TET2: variants seen among roughly 807,000 people sequenced by gnomAD.
TET2 encodes tet methylcytosine dioxygenase 2.
In TET2, 299 loss-of-function variants were observed where a neutral mutation model predicts 142.9. The ratio of observed to expected loss-of-function variants is 2.09; its 90% CI spans 1.90 to 2.30. TET2 has a LOEUF of 2.30. Among genes scored for constraint, TET2 ranks in the 30% most tolerant of loss-of-function variants. The pLI is 0.00. For missense variants in TET2, 2,418 were observed against 2,378.0 expected (o/e 1.02, Z -0.35); for synonymous variants, 819 against 849.0 (o/e 0.96, Z 0.61).
rs1429215099 is a variant in TET2 at position 105,276,014 on chromosome 4, G to A, written c.5504G>A (p.Gly1835Asp). Reference sequence around the variant, plus strand: ...AAGCAGCCATTGGCACTAGTCCAGGGTGTGGCTTCTGGTGCAGAGGACAAC... The same window carrying A: ...AAGCAGCCATTGGCACTAGTCCAGGATGTGGCTTCTGGTGCAGAGGACAAC... ...QEKQPLALVQ[G>D]VASGAEDNDE... is the part of the protein sequence containing the mutation. The change falls in exon 11 of 11, where the codon GGT (glycine) becomes GAT (aspartate). Residue 1835 changes from glycine (G) to aspartate (D), a missense_variant. Physicochemically the swap from Gly to Asp is moderately conservative, Grantham distance 94. Transcript: ENST00000380013. 1.3e-6 allele frequency: 2 copies of A among 1,551,610 alleles called. No individual in the cohort carries two copies. The highest frequency in any genetic ancestry group is 1.7e-6 in the Non-Finnish European group (2 of 1,147,002).
chr4:105,200,110 A>C (rs1333722816), intron 2 of TET2, among the ~76,000 whole-genome samples: 1 of 152,156 alleles, frequency 6.6e-6, no homozygotes. Context: ...GTCTTTGAGG[A>C]ATCGCTACAC....
In TET2 at chr4:105,235,772, CAT is replaced by C; in HGVS notation, c.1831_1832del (p.Met611AlafsTer26). ...TSKQYTGNSN[M>X]PGGLPRQAYT... ...CCAAACAATACACTGGAAATTCCAA[CAT>C]GCCTGGGGGGCTCCCAAGGCAAGCT... On this transcript the variant is annotated frameshift_variant, in exon 3 of 11. Transcript: ENST00000380013. LOFTEE classifies it high-confidence loss of function. 6.2e-7 allele frequency: 1 copy of C among 1,614,188 alleles called. No individual in the cohort carries two copies. Among genetic ancestry groups the C allele is most frequent in the Non-Finnish European group, 8.5e-7 (1 of 1,180,042 alleles).
rs192082287 is a variant in TET2, at chr4:105,228,057, A to C, written c.-46-5840A>C. On this transcript the variant is annotated intron_variant, in intron 2 of 10. Transcript: ENST00000380013. ...ATTTCCTTCTCTTTTATTAAGCAAAATAATACTTTATCAACATCAGTATGC... is the reference window on the plus strand; with the variant it reads ...ATTTCCTTCTCTTTTATTAAGCAAACTAATACTTTATCAACATCAGTATGC... Among the ~76,000 whole-genome samples the C allele has an allele frequency of 2.7e-3, 418 of 152,266 alleles. 1 individual carries two copies. Among genetic ancestry groups the C allele is most frequent in the Middle Eastern group, 6.8e-3 (2 of 294 alleles).
chr4:105,190,506 G>A lies in TET2; in HGVS notation c.-47+1G>A, dbSNP rs1260276356. 7.1e-6 allele frequency: 5 copies of A among 701,790 alleles called. No individual in the cohort carries two copies. In the Admixed American group the frequency reaches 1.0e-4, roughly 14 times the overall value. The allele number at this position is 701,790 out of a possible 1,614,324, so 43.5% of individuals were successfully genotyped here. A position where few individuals can be genotyped will look rare whatever the true frequency, so the allele number is the denominator to read the frequency against. Reference sequence around the variant, plus strand: ...AGAGCAGTAAGGGACTGAGCTGCTGGTAAGACAGTGGAGACAGTTGACACT... The same window carrying A: ...AGAGCAGTAAGGGACTGAGCTGCTGATAAGACAGTGGAGACAGTTGACACT... On this transcript the variant is annotated splice_donor_variant, in intron 2 of 10. Coordinates refer to ENST00000380013, the MANE Select transcript of TET2 (RefSeq NM_001127208.3). LOFTEE classifies it low-confidence loss of function (5UTR_SPLICE).
chr4:105,235,890 C>T lies in TET2; in HGVS notation c.1948C>T (p.His650Tyr), dbSNP rs753427942. The T allele has an allele frequency of 5.0e-6, 8 of 1,614,040 alleles. 1 individual carries two copies. In the South Asian group the frequency reaches 8.8e-5, roughly 18 times the overall value. ...GCAGTCCCAAGGTACAGTGGACCAA[C>T]ATCTCCAGTTCCAAAAACCCTCACA... is the stretch of plus-strand genomic sequence containing the variant. ...QGQSQGTVDQ[H>Y]LQFQKPSHQV... Residue 650 changes from histidine to tyrosine, a missense_variant, in exon 3 of 11, where the codon CAT becomes TAT. By Grantham distance (83) the His-to-Tyr change is moderately conservative. Transcript: ENST00000380013.
In TET2 at chr4:105,276,405, G is replaced by T; in HGVS notation, c.5895G>T (p.Leu1965=). ...ATGAAACTTCAGAGCCCACTTACCT[G>T]CGTTTCATCAAGTCTCTTGCCGAAA... is the stretch of plus-strand genomic sequence containing the variant. ...EPHETSEPTY[L]RFIKSLAERT... is the part of the protein sequence containing the mutation. Residue 1965 remains leucine (L), a synonymous_variant, in exon 11 of 11, where the codon CTG becomes CTT. Coordinates refer to ENST00000380013, the MANE Select transcript of TET2 (RefSeq NM_001127208.3). 6.4e-7 allele frequency: 1 copy of T among 1,551,968 alleles called. No homozygotes were observed. Among genetic ancestry groups the T allele is most frequent in the Non-Finnish European group, 8.7e-7 (1 of 1,147,056 alleles).
chr4:105,153,068 T>A (rs1345542586), intron 1 of TET2, among the ~76,000 whole-genome samples: 1 of 152,248 alleles, frequency 6.6e-6, no homozygotes, highest in Non-Finnish European at 1.5e-5. Context: ...AGTAAACTTA[T>A]ATGGGATCAT....
chr4:105,240,314 T>C, intron 3 of TET2: 1 of 1,054,110 alleles, frequency 9.5e-7, no homozygotes, highest in South Asian at 4.6e-5. Flanking sequence ...TAAAACGAGG[T>C]ATGCCTGTAT....
rs925607462 is a variant in TET2, at chr4:105,278,453, T to C, written c.*1934T>C. 27 of 223,458 alleles carry C rather than the reference T, an allele frequency of 1.2e-4. No individual in the cohort carries two copies. Among genetic ancestry groups the C allele is most frequent in the African/African-American group, 5.6e-4 (25 of 44,718 alleles). The allele number at this position is 223,458 out of a possible 1,614,324, so 13.8% of individuals were successfully genotyped here. A position where few individuals can be genotyped will look rare whatever the true frequency, so the allele number is the denominator to read the frequency against. ...TCAATACTTGATTTCTTAGCAAGTA[T>C]AACTTGAACTTCAACCTTTTTGTTC... is the stretch of plus-strand genomic sequence containing the variant. On this transcript the variant is annotated 3_prime_UTR_variant, in exon 11 of 11. Transcript: ENST00000380013.
chr4:105,188,032 A>G (rs995575296), intron 1 of TET2, among the ~76,000 whole-genome samples: 1 of 152,228 alleles, frequency 6.6e-6, no homozygotes, highest in African/African-American at 2.4e-5. Flanking sequence ...AATTGAAAAC[A>G]TATGCCCATA....
chr4:105,237,430 T>C, intron 3 of TET2, 79 bp downstream of exon 3: 1 of 1,613,740 alleles, frequency 6.2e-7, no homozygotes, highest in Non-Finnish European at 8.5e-7. Context: ...GGATTTTCCT[T>C]CTTTTTTTAA....
At chr4:105,150,238 A>G (rs1027453467) in intron 1 of TET2, among the ~76,000 whole-genome samples, 2 of 152,256 alleles carry the variant, frequency 1.3e-5, no homozygotes, top group African/African-American at 2.4e-5. Context: ...GATGCTAGAC[A>G]TTGTATAATG....
At chr4:105,227,812 A>T (rs79298611) in intron 2 of TET2, among the ~76,000 whole-genome samples, 3 of 151,942 alleles carry the variant, frequency 2.0e-5, no homozygotes, top group African/African-American at 4.8e-5. Context: ...TTAAATTCAT[A>T]AAAAAAATTC....
At chr4:105,148,010 T>G (rs1723117317) in intron 1 of TET2, among the ~76,000 whole-genome samples, 1 of 151,878 alleles carries the variant, frequency 6.6e-6, no homozygotes, top group South Asian at 2.1e-4. Context: ...CTCTCTGCCT[T>G]TCTCTCTGTG....
In TET2 at chr4:105,235,618, A is replaced by G. The variant is rs142785833; in HGVS notation, c.1676A>G (p.Tyr559Cys). ...TRDLVPPTQH[Y>C]LKPGWIELKA... ...GATCTTGTGCCCCCAACACAGCACT[A>G]TCTGAAACCAGGATGGATTGAATTG... Residue 559 changes from tyrosine to cysteine, a missense_variant, in exon 3 of 11, where the codon TAT becomes TGT. Physicochemically the swap from Tyr to Cys is radical, Grantham distance 194 (BLOSUM62 -2). Coordinates refer to ENST00000380013, the MANE Select transcript of TET2 (RefSeq NM_001127208.3). 8.7e-6 allele frequency: 14 copies of G among 1,614,202 alleles called. No homozygotes were observed. Among genetic ancestry groups the G allele is most frequent in the African/African-American group, 6.7e-5 (5 of 75,056 alleles).
chr4:105,238,090 T>C (rs1729063259), intron 3 of TET2: 1 of 240,780 alleles, frequency 4.2e-6, no homozygotes, highest in Non-Finnish European at 8.3e-6. Flanking sequence ...AAAAGTTATT[T>C]ATATACTATA....
At chr4:105,200,500 T>G (rs1332330523) in intron 2 of TET2, among the ~76,000 whole-genome samples, 3 of 152,190 alleles carry the variant, frequency 2.0e-5, no homozygotes. Flanking sequence ...AGGTTGTCTG[T>G]TTTCTCTGTT....
At chr4:105,154,073 T>C (rs1723443322) in intron 1 of TET2, among the ~76,000 whole-genome samples, 1 of 152,200 alleles carries the variant, frequency 6.6e-6, no homozygotes, top group South Asian at 2.1e-4. Flanking sequence ...TTAAGTAACG[T>C]CCAGAATAGG....
rs1728691268 is a variant in TET2, at chr4:105,234,251, C to T, written c.309C>T (p.Leu103=). The T allele has an allele frequency of 6.2e-7, 1 of 1,614,128 alleles. No homozygotes were observed. Among genetic ancestry groups the T allele is most frequent in the Non-Finnish European group, 8.5e-7 (1 of 1,180,006 alleles). The change falls in exon 3 of 11, where the codon CTC becomes CTT. Residue 103 remains leucine (L), a synonymous_variant. Coordinates refer to ENST00000380013, the MANE Select transcript of TET2 (RefSeq NM_001127208.3). ...AACGCACAGTTAGTGAACCTTCTCT[C>T]TCTGGGCTCCTTCAGATCAAGAAAT... ...GIKRTVSEPS[L]SGLLQIKKLK...
Sources: allele counts gnomAD v4.1 joint callset (sites outside exome capture counted in the v4.1 genomes callset), GRCh38; gene constraint gnomAD v4.1.1; transcripts MANE v1.5; gene names NCBI Gene and HGNC (gene_info 2026-07-23, HGNC 2026-07-21).